LY9: variants seen among roughly 807,000 people sequenced by gnomAD.
LY9 encodes T-lymphocyte surface antigen Ly-9.
A neutral mutation model predicts 64.6 loss-of-function variants in LY9; 59 were observed. That is an observed-to-expected ratio of 0.91 (90% CI 0.74 to 1.13). LY9 has a LOEUF of 1.13. LY9 is among the 50% of genes most tolerant of loss of function. The probability of loss-of-function intolerance (pLI) is 0.00; values close to 1 mark genes in which losing one functional copy is unlikely to be tolerated. For missense variants in LY9, 789 were observed against 797.2 expected, an observed-to-expected ratio of 0.99 and a Z score of 0.12; for synonymous variants, 281 against 308.5, an observed-to-expected ratio of 0.91 and a Z score of 0.93.
intron 2 of LY9, chr1:160,801,923 C>T (rs762593680): frequency 1.9e-6 from 3 of 1,611,600 alleles, no homozygotes; most frequent in South Asian, 1.1e-5. Flanking sequence ...GCTAGGCCCT[C>T]GCCCCCACCT....
At chr1:160,813,504 G>C in intron 2 of LY9, 132 bp from the exon 3 acceptor site, 1 of 804,098 alleles carries the variant, frequency 1.2e-6, no homozygotes, top group Non-Finnish European at 1.9e-6. Flanking sequence ...CTGCAGAGAA[G>C]ATGTCCCTGC....
intron 2 of LY9, among the ~76,000 whole-genome samples, chr1:160,804,131 A>T (rs1666752353): frequency 6.6e-6 from 1 of 152,262 alleles, no homozygotes; most frequent in Non-Finnish European, 1.5e-5. Flanking sequence ...ACTATGTTGA[A>T]TAAAAGTAGT....
intron 2 of LY9, chr1:160,800,342 C>T: frequency 5.1e-6 from 2 of 390,950 alleles, no homozygotes; most frequent in Non-Finnish European, 9.3e-6. Flanking sequence ...CCCCCCACCA[C>T]CCACTCCCCA....
intron 8 of LY9, 84 bp downstream of exon 8, chr1:160,823,880 T>G (rs1668677830): frequency 1.8e-6 from 2 of 1,138,394 alleles, no homozygotes; most frequent in Admixed American, 3.7e-5. Context: ...TCCTCCAAAC[T>G]GGGGGCTGGG....
In LY9 at chr1:160,798,293, C is replaced by T. The variant is rs567698535; in HGVS notation, c.125-1460C>T. On this transcript the variant is annotated intron_variant, in intron 1 of 9. Transcript: ENST00000263285. ...GGCAGTACTCCTGGCCTCCCTACTC[C>T]AGGGGCATCATGGACATAGGATCTG... 3.9e-5 allele frequency among the ~76,000 whole-genome samples: 6 copies of T among 152,240 alleles called. No homozygotes were observed. In the East Asian group the frequency reaches 9.7e-4, roughly 24 times the overall value.
In LY9 at chr1:160,827,728, T is replaced by C. The variant is rs374811248; in HGVS notation, c.1900-20T>C. 10 of 1,594,214 alleles carry C rather than the reference T, an allele frequency of 6.3e-6. No homozygotes were observed. In the African/African-American group the frequency reaches 1.2e-4, roughly 19 times the overall value. On this transcript the variant is annotated intron_variant, in intron 9 of 9. Coordinates refer to ENST00000263285, the MANE Select transcript of LY9 (RefSeq NM_002348.4). ...CAAGGCTTTATTAACCATATTCTTT[T>C]GTGGATTTTTGGCTCACAGGTGGTG... is the stretch of plus-strand genomic sequence containing the variant.
intron 2 of LY9, among the ~76,000 whole-genome samples, chr1:160,808,600 G>A (rs1667201452): frequency 6.6e-6 from 1 of 152,088 alleles, no homozygotes; most frequent in Non-Finnish European, 1.5e-5. Flanking sequence ...CACCTCTATT[G>A]GGAAATCACT....
intron 1 of LY9, chr1:160,799,210 G>C (rs958740761): frequency 6.5e-6 from 1 of 153,416 alleles, no homozygotes; most frequent in South Asian, 2.1e-4. Context: ...ATTCAGAAAA[G>C]TTGGAGCATT....
intron 2 of LY9, 36 bp downstream of exon 2, chr1:160,800,118 C>A (rs1558082857): frequency 4.6e-6 from 7 of 1,534,294 alleles, no homozygotes; most frequent in East Asian, 2.3e-5. Context: ...TTGATCTTTT[C>A]TTTTTTTTAT....
Position 160,813,797 on chromosome 1 carries a change from A to C in LY9, c.616A>C (p.Ile206Leu), listed in dbSNP as rs539946937. ...PHASESNGGS[I>L]LTVSRTPCDP... ...TGCTTCTGAGTCCAATGGAGGCTCC[A>C]TTCTTACCGTCTCCCGAACACCATG... Residue 206 changes from isoleucine to leucine, a missense_variant, in exon 3 of 10, where the codon ATT (isoleucine) becomes CTT (leucine). Coordinates refer to ENST00000263285, the MANE Select transcript of LY9 (RefSeq NM_002348.4). 2 of 1,614,196 alleles carry C rather than the reference A, an allele frequency of 1.2e-6. No homozygotes were observed. Among genetic ancestry groups the C allele is most frequent in the Non-Finnish European group, 8.5e-7 (1 of 1,180,036 alleles).
At chr1:160,825,828 T>C (rs1668822101) in intron 9 of LY9, among the ~76,000 whole-genome samples, 1 of 152,080 alleles carries the variant, frequency 6.6e-6, no homozygotes, top group Non-Finnish European at 1.5e-5. Context: ...GAGAATTGCT[T>C]GAACCCAGGA....
At chr1:160,819,976 G>C (rs1378752069) in intron 7 of LY9, among the ~76,000 whole-genome samples, 1 of 152,014 alleles carries the variant, frequency 6.6e-6, no homozygotes, top group Non-Finnish European at 1.5e-5. Context: ...GAAAAGGAAG[G>C]TAGCATAGAA....
At position 160,816,876 on chromosome 1, in the gene LY9, C is replaced by T. The variant is rs755874501; in HGVS notation, c.1342+13C>T. The T allele has an allele frequency of 6.2e-7, 1 of 1,613,930 alleles. No homozygotes were observed. The highest frequency in any genetic ancestry group is 1.3e-5 in the African/African-American group (1 of 75,050). Reference sequence around the variant, plus strand: ...AACATCTGTTCAGGTTTCTCTCCATCTCTATTTACTCAGGTCACAGGACCT... The same window carrying T: ...AACATCTGTTCAGGTTTCTCTCCATTTCTATTTACTCAGGTCACAGGACCT... On this transcript the variant is annotated intron_variant, in intron 5 of 9. Transcript: ENST00000263285.
At chr1:160,809,583 A>G (rs974633442) in intron 2 of LY9, among the ~76,000 whole-genome samples, 1 of 151,906 alleles carries the variant, frequency 6.6e-6, no homozygotes, top group Admixed American at 6.6e-5. Flanking sequence ...GCTGATTCCA[A>G]ACTCCTGGCC....
intron 2 of LY9, among the ~76,000 whole-genome samples, chr1:160,808,975 A>T (rs1228203588): frequency 1.3e-5 from 2 of 152,186 alleles, no homozygotes; most frequent in Admixed American, 6.5e-5. Context: ...TACATGTTAT[A>T]TAATCGCCAT....
chr1:160,798,031 C>T (rs7541298), intron 1 of LY9, among the ~76,000 whole-genome samples: 100,023 of 151,912 alleles, frequency 0.66, 33,244 homozygotes, highest in Middle Eastern at 0.72. Context: ...ATTTGTCCTA[C>T]GGTGCAATTC....
At chr1:160,801,460 C>G (rs527926218) in intron 2 of LY9, among the ~76,000 whole-genome samples, 1 of 152,144 alleles carries the variant, frequency 6.6e-6, no homozygotes, top group African/African-American at 2.4e-5. Flanking sequence ...ATATTACTTC[C>G]CTGTCAGATG....
chr1:160,799,668 C>A, intron 1 of LY9, 85 bp from the exon 2 acceptor site: 1 of 809,562 alleles, frequency 1.2e-6, no homozygotes, highest in Non-Finnish European at 2.0e-6. Context: ...GACATTTATG[C>A]CCAATGTATA....
In LY9 at chr1:160,799,571, G is replaced by T. The variant is rs1375046342; in HGVS notation, c.125-182G>T. Reference sequence around the variant, plus strand: ...TGTGGCTGCTTTTAAGGGAGACAGTGTTTGGGGAATGGAGGAATTAATGAC... The same window carrying T: ...TGTGGCTGCTTTTAAGGGAGACAGTTTTTGGGGAATGGAGGAATTAATGAC... On this transcript the variant is annotated intron_variant, in intron 1 of 9. Transcript: ENST00000263285. 5.3e-6 allele frequency: 3 copies of T among 567,242 alleles called. No individual in the cohort carries two copies. In the Admixed American group the frequency reaches 1.0e-4, roughly 19 times the overall value. The allele number at this position is 567,242 out of a possible 1,614,324, so 35.1% of individuals were successfully genotyped here.
Sources: allele counts gnomAD v4.1 joint callset (sites outside exome capture counted in the v4.1 genomes callset), GRCh38; gene constraint gnomAD v4.1.1; transcripts MANE v1.5; gene names NCBI Gene and HGNC (gene_info 2026-07-23, HGNC 2026-07-21).